Variants in GALNT16 observed in about 807,000 individuals in gnomAD.
GALNT16 encodes polypeptide N-acetylgalactosaminyltransferase 16.
A neutral mutation model predicts 76.1 loss-of-function variants in GALNT16; 40 were observed. That is an observed-to-expected ratio of 0.53 (90% CI 0.41 to 0.68). The LOEUF (loss-of-function observed/expected upper bound fraction) is 0.68, where lower values mean the gene tolerates loss of function less well. GALNT16 is among the 30% of genes least tolerant of loss of function. The pLI is 0.00. For synonymous variants in GALNT16, 276 were observed against 285.2 expected (o/e 0.97, Z 0.32); for missense variants, 621 against 731.9 (o/e 0.85, Z 1.75).
chr14:69,321,678 C>T (rs373247594), intron 2 of GALNT16, among the ~76,000 whole-genome samples: 4 of 152,166 alleles, frequency 2.6e-5, no homozygotes, highest in East Asian at 3.9e-4. Flanking sequence ...TCTGCCTAAA[C>T]GCACCTCCTC....
chr14:69,371,604 C>T, the GALNT16 span, among the ~76,000 whole-genome samples: 2 of 151,682 alleles, frequency 1.3e-5, no homozygotes, highest in South Asian at 2.1e-4. Flanking sequence ...TTAAGTATAA[C>T]GTACATATAG....
At chr14:69,322,619 C>T (rs570537696) in intron 2 of GALNT16, among the ~76,000 whole-genome samples, 5 of 152,246 alleles carry the variant, frequency 3.3e-5, no homozygotes, top group East Asian at 3.9e-4. Context: ...GGGCCAGGCA[C>T]GGTGGCTCAC....
At chr14:69,347,479 G>C (rs1234942614) in intron 13 of GALNT16, among the ~76,000 whole-genome samples, 5 of 152,132 alleles carry the variant, frequency 3.3e-5, no homozygotes, top group Non-Finnish European at 7.4e-5. Context: ...CAATGTCCAA[G>C]ACTCCTGTGC....
chr14:69,319,027 A>G (rs1356120083), intron 1 of GALNT16, among the ~76,000 whole-genome samples: 1 of 152,226 alleles, frequency 6.6e-6, no homozygotes, highest in African/African-American at 2.4e-5. Flanking sequence ...GCTCCGCCAC[A>G]TCTGTTCAGT....
At chr14:69,343,001 G>A (rs1193608096) in intron 12 of GALNT16, among the ~76,000 whole-genome samples, 1 of 152,228 alleles carries the variant, frequency 6.6e-6, no homozygotes, top group Admixed American at 6.5e-5. Context: ...TAAGTTCTAT[G>A]AGGGTGGAGG....
intron 1 of GALNT16, among the ~76,000 whole-genome samples, chr14:69,284,807 G>A (rs2044588651): frequency 1.3e-5 from 2 of 152,154 alleles, no homozygotes; most frequent in South Asian, 4.2e-4. Context: ...AATTATGGTG[G>A]TGGTTTCCCC....
chr14:69,293,173 G>A (rs1234861324), intron 1 of GALNT16, among the ~76,000 whole-genome samples: 1 of 152,178 alleles, frequency 6.6e-6, no homozygotes, highest in Non-Finnish European at 1.5e-5. Flanking sequence ...TGGTAGAGGG[G>A]CCAGGACCAA....
At chr14:69,276,266 A>T (rs1276779385) in intron 1 of GALNT16, among the ~76,000 whole-genome samples, 1 of 152,260 alleles carries the variant, frequency 6.6e-6, no homozygotes, top group Admixed American at 6.5e-5. Flanking sequence ...CAGCGCACTT[A>T]TGACAGTGAG....
At chr14:69,341,503 G>A (rs111641991) in intron 11 of GALNT16, among the ~76,000 whole-genome samples, 178 bp from the exon 12 acceptor site, 1 of 152,224 alleles carries the variant, frequency 6.6e-6, no homozygotes, top group Non-Finnish European at 1.5e-5. Context: ...CCTGCCTTGA[G>A]CTTGCAAGTC....
intron 5 of GALNT16, among the ~76,000 whole-genome samples, chr14:69,327,570 G>T (rs899500765): frequency 1.3e-5 from 2 of 152,230 alleles, no homozygotes; most frequent in African/African-American, 4.8e-5. Flanking sequence ...GACACTTTTG[G>T]AGTGGAGATT....
chr14:69,285,568 A>G (rs1212298915), intron 1 of GALNT16, among the ~76,000 whole-genome samples: 1 of 152,148 alleles, frequency 6.6e-6, no homozygotes, highest in Non-Finnish European at 1.5e-5. Flanking sequence ...AGATCCTTTA[A>G]TTTTTATGCC....
the GALNT16 span, among the ~76,000 whole-genome samples, chr14:69,379,713 G>T: frequency 6.6e-6 from 1 of 152,084 alleles, no homozygotes; most frequent in Admixed American, 6.6e-5. Flanking sequence ...CTTTTTTGTG[G>T]TTTTTCCCTT....
Position 69,333,276 on chromosome 14 carries a change from G to A in GALNT16, c.863+107G>A, listed in dbSNP as rs1355016806. 1.0e-5 allele frequency: 8 copies of A among 773,984 alleles called. No homozygotes were observed. Among genetic ancestry groups the A allele is most frequent in the African/African-American group, 8.8e-5 (5 of 57,110 alleles). The allele number at this position is 773,984 out of a possible 1,614,324, so 47.9% of individuals were successfully genotyped here. Reference sequence around the variant, plus strand: ...CGCTTGGGCTCCTGAGGCGCACTAAGTGCTGACTCTGTTCTGGGCCTTCGG... The same window carrying A: ...CGCTTGGGCTCCTGAGGCGCACTAAATGCTGACTCTGTTCTGGGCCTTCGG... On this transcript the variant is annotated intron_variant, in intron 8 of 14. Transcript: ENST00000448469. This position sits in a 1 kb window ranked among gnomAD's most constrained non-coding sequence, Gnocchi z 4.2.
intron 11 of GALNT16, 132 bp from the exon 12 acceptor site, chr14:69,341,549 A>C (rs1422868844): frequency 1.5e-6 from 1 of 653,802 alleles, no homozygotes; most frequent in African/African-American, 1.8e-5. Flanking sequence ...AGGGCTGGAC[A>C]TGGCAGGCTG....
intron 14 of GALNT16, chr14:69,349,545 T>C (rs1327831479): frequency 6.6e-6 from 1 of 152,344 alleles, no homozygotes; most frequent in East Asian, 1.9e-4. Context: ...CCGTCCTTCT[T>C]GGTCCCCTGC....
chr14:69,320,048 A>G (rs2140161661), intron 1 of GALNT16, among the ~76,000 whole-genome samples: 1 of 152,186 alleles, frequency 6.6e-6, no homozygotes, highest in Admixed American at 6.5e-5. Flanking sequence ...TCCCCTCAGG[A>G]CACCTTGCCT....
At chr14:69,290,515 C>T (rs866566780) in intron 1 of GALNT16, among the ~76,000 whole-genome samples, 4 of 152,130 alleles carry the variant, frequency 2.6e-5, no homozygotes, top group East Asian at 1.9e-4. Context: ...CTTTGCCCTT[C>T]GGTTTCATTG....
At chr14:69,342,063 G>A (rs1466056662) in intron 12 of GALNT16, among the ~76,000 whole-genome samples, 1 of 152,166 alleles carries the variant, frequency 6.6e-6, no homozygotes, top group African/African-American at 2.4e-5. Context: ...GTCCCCTTTA[G>A]CCCTGTTCTC....
At chr14:69,348,383 CG>C (rs1398203111) in intron 14 of GALNT16, 1 of 400,528 alleles carries the variant, frequency 2.5e-6, no homozygotes, top group Admixed American at 4.2e-5. Flanking sequence ...CACCCAGTGA[CG>C]TGGGTTCTAG....
Sources: gnomAD v4.1 joint callset for allele counts (sites outside exome capture counted in the v4.1 genomes callset) on GRCh38, gnomAD v4.1.1 for gene constraint, Gnocchi (gnomAD v3.1) non-coding constraint, MANE v1.5 for transcripts, NCBI Gene and HGNC (gene_info 2026-07-23, HGNC 2026-07-21) for gene names.